NR1H4: variants seen among roughly 807,000 people sequenced by gnomAD.
NR1H4 encodes the protein bile acid receptor.
Under a neutral mutation model 58.5 loss-of-function variants are expected in NR1H4, and 23 were observed. The observed-to-expected ratio is 0.39, with a 90% CI of 0.28 to 0.56. The LOEUF is 0.56. Among genes scored for constraint, NR1H4 ranks in the 20% least tolerant of loss-of-function variants. The pLI is 0.58. For synonymous variants in NR1H4, 214 were observed against 198.0 expected, an observed-to-expected ratio of 1.08 and a Z score of -0.68; for missense variants, 487 against 576.9, an observed-to-expected ratio of 0.84 and a Z score of 1.60.
intron 9 of NR1H4, among the ~76,000 whole-genome samples, chr12:100,554,114 T>C (rs547100995): frequency 1.5e-4 from 23 of 152,336 alleles, no homozygotes; most frequent in South Asian, 6.2e-4. Flanking sequence ...TCGGTGTTAT[T>C]AGTTCCTAGG....
In NR1H4 at chr12:100,498,345, A is replaced by G. The variant is rs1473873327; in HGVS notation, c.79+4943A>G. Among the ~76,000 whole-genome samples the G allele has an allele frequency of 2.0e-5, 3 of 152,310 alleles. No homozygotes were observed. The East Asian group carries it at 5.8e-4, about 29-fold the overall frequency. Reference sequence around the variant, plus strand: ...TTCAAGGGGCCAGAGAGAATCAACAATACGTAAATAAGGCTGGGCGCGGGG... The same window carrying G: ...TTCAAGGGGCCAGAGAGAATCAACAGTACGTAAATAAGGCTGGGCGCGGGG... On this transcript the variant is annotated intron_variant, in intron 3 of 10. Coordinates refer to ENST00000392986, the MANE Select transcript of NR1H4 (RefSeq NM_001206979.2).
chr12:100,486,735 C>T (rs1376907978), intron 1 of NR1H4, among the ~76,000 whole-genome samples: 1 of 151,150 alleles, frequency 6.6e-6, no homozygotes, highest in East Asian at 1.9e-4. Context: ...ACTGCACGAT[C>T]AATGGAAAAC....
chr12:100,563,151 TTTAAC>T (rs1955512530), intron 10 of NR1H4, 95 bp from the exon 11 acceptor site: 4 of 933,890 alleles, frequency 4.3e-6, no homozygotes, highest in Middle Eastern at 2.4e-4. Flanking sequence ...GTGTACAACA[TTTAAC>T]TTACACTTCA....
chr12:100,521,362 T>G (rs1954413962), intron 4 of NR1H4, among the ~76,000 whole-genome samples: 1 of 152,212 alleles, frequency 6.6e-6, no homozygotes, highest in South Asian at 2.1e-4. Flanking sequence ...AGGACTAGAT[T>G]AAATCAAGAG....
chr12:100,509,223 G>T (rs1324676193), intron 3 of NR1H4, among the ~76,000 whole-genome samples: 1 of 152,202 alleles, frequency 6.6e-6, no homozygotes, highest in Non-Finnish European at 1.5e-5. Context: ...AGATGGAATT[G>T]GAATTTTGGT....
intron 3 of NR1H4, among the ~76,000 whole-genome samples, chr12:100,494,377 C>A (rs1310365424): frequency 1.3e-5 from 2 of 152,088 alleles, no homozygotes; most frequent in Non-Finnish European, 2.9e-5. Context: ...CCATACAGTA[C>A]AAATGCATTT....
chr12:100,524,533 T>C (rs192515618), intron 4 of NR1H4, among the ~76,000 whole-genome samples: 11 of 152,310 alleles, frequency 7.2e-5, no homozygotes, highest in African/African-American at 2.6e-4. Flanking sequence ...ATAACCCCTG[T>C]CCTCATCCTC....
At chr12:100,495,882 A>G (rs1051845784) in intron 3 of NR1H4, among the ~76,000 whole-genome samples, 2 of 152,124 alleles carry the variant, frequency 1.3e-5, no homozygotes, top group African/African-American at 4.8e-5. Flanking sequence ...CGTAGGGTGG[A>G]AGGCACCAGG....
chr12:100,503,230 G>C (rs1434974068), intron 3 of NR1H4: 3 of 878,828 alleles, frequency 3.4e-6, no homozygotes, highest in Non-Finnish European at 4.8e-6. Flanking sequence ...CTAAGAGACT[G>C]GTTTCCAGCT....
At chr12:100,489,692 A>G (rs1953566566) in intron 1 of NR1H4, among the ~76,000 whole-genome samples, 1 of 152,240 alleles carries the variant, frequency 6.6e-6, no homozygotes, top group African/African-American at 2.4e-5. Context: ...AGTGAGAACA[A>G]TATTCTGGAA....
Position 100,510,947 on chromosome 12 carries a change from T to C in NR1H4, c.249T>C (p.Pro83=). 1.9e-6 allele frequency: 3 copies of C among 1,614,158 alleles called. No individual in the cohort carries two copies. The South Asian group carries it at 3.3e-5, about 18-fold the overall frequency. ...YPQQPEEWYS[P]GIYELRRMPA... ...AGCAGCCTGAAGAGTGGTACTCTCC[T>C]GGAATATATGAACTCAGGCGTATGC... Residue 83 remains proline (P), a synonymous_variant, in exon 4 of 11, where the codon CCT becomes CCC. Transcript: ENST00000392986.
chr12:100,499,802 G>T (rs1953793636), intron 3 of NR1H4: 2 of 454,818 alleles, frequency 4.4e-6, no homozygotes, highest in South Asian at 3.1e-5. Flanking sequence ...GTGCTTTATA[G>T]AAATTAATGT....
intron 8 of NR1H4, 33 bp from the exon 9 acceptor site, chr12:100,540,639 C>T (rs781297812): frequency 2.5e-6 from 4 of 1,607,222 alleles, no homozygotes; most frequent in Non-Finnish European, 3.4e-6. Context: ...ATTGTTACTC[C>T]TTGATACCAA....
chr12:100,547,241 A>G (rs1955091936), intron 9 of NR1H4, among the ~76,000 whole-genome samples: 2 of 152,190 alleles, frequency 1.3e-5, no homozygotes, highest in South Asian at 4.1e-4. Context: ...GCTTAGAGAA[A>G]GATGAACTCC....
chr12:100,503,494 A>AAGGT, intron 3 of NR1H4: 1 of 1,594,262 alleles, frequency 6.3e-7, no homozygotes, highest in Non-Finnish European at 8.5e-7. Flanking sequence ...AAGCCCGCGA[A>AAGGT]AGGTAGGACA....
At chr12:100,501,415 C>T (rs1953831905) in intron 3 of NR1H4, among the ~76,000 whole-genome samples, 1 of 152,088 alleles carries the variant, frequency 6.6e-6, no homozygotes, top group South Asian at 2.1e-4. Flanking sequence ...GACCACCACT[C>T]TTTTCCTCTT....
At chr12:100,560,064 C>T (rs1268638674) in intron 9 of NR1H4, among the ~76,000 whole-genome samples, 2 of 151,804 alleles carry the variant, frequency 1.3e-5, no homozygotes, top group African/African-American at 2.4e-5. Context: ...ATGCACCAAT[C>T]GACACTCTGT....
At chr12:100,484,779 C>G (rs1199327000) in intron 1 of NR1H4, among the ~76,000 whole-genome samples, 1 of 152,160 alleles carries the variant, frequency 6.6e-6, no homozygotes, top group Non-Finnish European at 1.5e-5. Context: ...GTAATCATAT[C>G]TACTGATTTT....
Position 100,498,832 on chromosome 12 carries a change from A to G in NR1H4, c.79+5430A>G, listed in dbSNP as rs142455741. ...AAGTGTCAGGAGGTAGATCCTATAC[A>G]ATCCCATTCACTTATCTTTCATTTC... On this transcript the variant is annotated intron_variant, in intron 3 of 10. Transcript: ENST00000392986. Among the ~76,000 whole-genome samples the G allele has an allele frequency of 8.6e-4, 131 of 152,254 alleles. 3 individuals are homozygous for G. The highest frequency in any genetic ancestry group is 2.9e-3 in the African/African-American group (119 of 41,558).
Sources: allele counts gnomAD v4.1 joint callset (sites outside exome capture counted in the v4.1 genomes callset), GRCh38; gene constraint gnomAD v4.1.1; transcripts MANE v1.5; gene names NCBI Gene and HGNC (gene_info 2026-07-23, HGNC 2026-07-21).